Variants in GNAO1 observed in about 807,000 individuals in gnomAD.
The protein encoded by GNAO1 is guanine nucleotide-binding protein G(o) subunit alpha.
For missense variants in GNAO1, 166 were observed against 478.7 expected, an observed-to-expected ratio of 0.35 and a Z score of 6.10; for synonymous variants, 164 against 180.7, an observed-to-expected ratio of 0.91 and a Z score of 0.74.
At chr16:56,195,108 C>A (rs1478868455) in intron 2 of GNAO1, among the ~76,000 whole-genome samples, 1 of 144,568 alleles carries the variant, frequency 6.9e-6, no homozygotes, top group Non-Finnish European at 1.5e-5. Flanking sequence ...CCTTACAGGA[C>A]ACCTTTTTCA....
chr16:56,224,372 C>T (rs79708959), intron 2 of GNAO1, among the ~76,000 whole-genome samples: 2,062 of 152,314 alleles, frequency 0.014, 60 homozygotes, highest in African/African-American at 0.047. Context: ...GGCTGCTACC[C>T]GGTAGGATAG....
chr16:56,311,249 T>G lies in GNAO1; in HGVS notation c.304-17382T>G, dbSNP rs2037455379. Among the ~76,000 whole-genome samples, 1 of 151,900 alleles carries G rather than the reference T, an allele frequency of 6.6e-6. No individual in the cohort carries two copies. Among genetic ancestry groups the G allele is most frequent in the Non-Finnish European group, 1.5e-5 (1 of 67,962 alleles). ...GGATGAAGGAAAGCAAGAAATGCCTTGGAGGGGAGTGGAACCTGAGCCCAG... is the reference window on the plus strand; with the variant it reads ...GGATGAAGGAAAGCAAGAAATGCCTGGGAGGGGAGTGGAACCTGAGCCCAG... On this transcript the variant is annotated intron_variant, in intron 3 of 8. Coordinates refer to ENST00000262493, the MANE Select transcript of GNAO1 (RefSeq NM_020988.3). This position sits in a 1 kb window ranked among gnomAD's most constrained non-coding sequence, Gnocchi z 5.2.
At chr16:56,216,638 G>A (rs115173222) in intron 2 of GNAO1, among the ~76,000 whole-genome samples, 1,819 of 152,312 alleles carry the variant, frequency 0.012, 42 homozygotes, top group African/African-American at 0.042. Flanking sequence ...TGGCTGTTAG[G>A]AGTATCAAAT....
intron 3 of GNAO1, among the ~76,000 whole-genome samples, chr16:56,323,015 G>T (rs149937895): frequency 6.6e-4 from 100 of 152,316 alleles, no homozygotes; most frequent in African/African-American, 2.2e-3. Context: ...GCTGTACCAT[G>T]GTGTTGCTGT....
chr16:56,223,963 G>A (rs2036512786), intron 2 of GNAO1, among the ~76,000 whole-genome samples: 1 of 152,236 alleles, frequency 6.6e-6, no homozygotes, highest in Admixed American at 6.5e-5. Context: ...TCTGAGTGCT[G>A]TTAGAGAAGG....
At chr16:56,341,169 T>G (rs2037799500) in intron 6 of GNAO1, among the ~76,000 whole-genome samples, 1 of 152,162 alleles carries the variant, frequency 6.6e-6, no homozygotes. Flanking sequence ...CGGGGCTTCC[T>G]CATCAGGGAA....
intron 3 of GNAO1, among the ~76,000 whole-genome samples, chr16:56,316,845 G>A (rs1435841702): frequency 6.6e-6 from 1 of 152,190 alleles, no homozygotes; most frequent in Non-Finnish European, 1.5e-5. Context: ...AAGATTCTTA[G>A]GTCTCGCCCT....
intron 2 of GNAO1, among the ~76,000 whole-genome samples, chr16:56,201,405 T>G (rs1307162292): frequency 1.3e-5 from 2 of 152,138 alleles, no homozygotes; most frequent in African/African-American, 4.8e-5. Context: ...AGAGGAGTGT[T>G]AAGAAATGAG....
At chr16:56,194,287 G>A (rs1174822252) in intron 2 of GNAO1, 5 of 456,488 alleles carry the variant, frequency 1.1e-5, no homozygotes, top group Non-Finnish European at 2.2e-5. Flanking sequence ...GGGGCCTGGG[G>A]AATTGCCCTT....
intron 2 of GNAO1, among the ~76,000 whole-genome samples, chr16:56,197,881 A>G (rs1474446937): frequency 1.3e-5 from 2 of 152,170 alleles, no homozygotes; most frequent in South Asian, 2.1e-4. Context: ...ATGAGGCCCT[A>G]TTTTTCCGAT....
intron 2 of GNAO1, among the ~76,000 whole-genome samples, chr16:56,260,507 C>T (rs1013477116): frequency 3.3e-5 from 5 of 152,210 alleles, no homozygotes; most frequent in African/African-American, 1.2e-4. Flanking sequence ...ACCTGCCCTC[C>T]TGCTGGCCTC....
chr16:56,331,590 G>T (rs140264708), intron 4 of GNAO1, among the ~76,000 whole-genome samples: 9 of 151,940 alleles, frequency 5.9e-5, no homozygotes, highest in Non-Finnish European at 1.2e-4. Flanking sequence ...GCCTCCTCTC[G>T]GGCCGCCCTT....
In GNAO1 at chr16:56,277,903, C is replaced by T. The variant is rs571718567; in HGVS notation, c.303+1831C>T. Among the ~76,000 whole-genome samples the T allele has an allele frequency of 5.6e-4, 85 of 152,100 alleles. 1 individual carries two copies. Among genetic ancestry groups the T allele is most frequent in the African/African-American group, 1.9e-3 (77 of 41,472 alleles). On this transcript the variant is annotated intron_variant, in intron 3 of 8. Coordinates refer to ENST00000262493, the MANE Select transcript of GNAO1 (RefSeq NM_020988.3). ...CTCCCAGCCAGCTCTTCCTAAAAAT[C>T]TCCTATACTGATTATAACCCAGCAA...
At chr16:56,266,921 T>G (rs912893289) in intron 2 of GNAO1, among the ~76,000 whole-genome samples, 66 of 152,224 alleles carry the variant, frequency 4.3e-4, no homozygotes, top group African/African-American at 1.5e-3. Flanking sequence ...GGATTTGGGC[T>G]GCTGCAGTTC....
intron 2 of GNAO1, among the ~76,000 whole-genome samples, chr16:56,208,457 G>T: frequency 6.8e-6 from 1 of 146,628 alleles, no homozygotes; most frequent in Admixed American, 6.7e-5. Flanking sequence ...GTGCGCGCGC[G>T]CGCACGTGTG....
intron 2 of GNAO1, among the ~76,000 whole-genome samples, chr16:56,206,451 C>G (rs560080550): frequency 6.6e-6 from 1 of 151,750 alleles, no homozygotes; most frequent in South Asian, 2.1e-4. Context: ...CTGACTTATA[C>G]ATTAAAAGAT....
chr16:56,315,490 A>G (rs1380095265), intron 3 of GNAO1, among the ~76,000 whole-genome samples: 5 of 152,138 alleles, frequency 3.3e-5, no homozygotes, highest in Non-Finnish European at 5.9e-5. Context: ...TTGGGACAGG[A>G]TAGTGCCTGC....
chr16:56,297,152 C>A (rs1319547838), intron 3 of GNAO1, among the ~76,000 whole-genome samples: 1 of 152,162 alleles, frequency 6.6e-6, no homozygotes, highest in East Asian at 1.9e-4. Context: ...AGGGTGGGGT[C>A]AGATAAACTC....
intron 2 of GNAO1, among the ~76,000 whole-genome samples, chr16:56,256,915 A>G (rs1266128039): frequency 6.6e-6 from 1 of 152,198 alleles, no homozygotes; most frequent in Non-Finnish European, 1.5e-5. Context: ...GGACACTGCC[A>G]GTGGCCCAAG....
Sources: gnomAD v4.1 joint callset for allele counts (sites outside exome capture counted in the v4.1 genomes callset) on GRCh38, gnomAD v4.1.1 for gene constraint, Gnocchi (gnomAD v3.1) non-coding constraint, MANE v1.5 for transcripts, NCBI Gene and HGNC (gene_info 2026-07-23, HGNC 2026-07-21) for gene names.